Variants in CUBN observed in about 807,000 individuals in gnomAD.
CUBN encodes the protein cubilin.
Under a neutral mutation model 405.3 loss-of-function variants are expected in CUBN, and 282 were observed. That is an observed-to-expected ratio of 0.70 (90% confidence interval 0.63 to 0.77). The LOEUF (loss-of-function observed/expected upper bound fraction) is 0.77. Ranked by LOEUF, CUBN falls within the 30% of genes least tolerant of loss-of-function variation. CUBN has a pLI of 0.00. For synonymous variants in CUBN, 1,684 were observed against 1,617.0 expected, an observed-to-expected ratio of 1.04 and a Z score of -0.99; for missense variants, 4,514 against 4,475.2, an observed-to-expected ratio of 1.01 and a Z score of -0.25.
At chr10:17,112,398 C>T (rs1015271985) in intron 8 of CUBN, among the ~76,000 whole-genome samples, 1 of 151,576 alleles carries the variant, frequency 6.6e-6, no homozygotes, top group Non-Finnish European at 1.5e-5. Context: ...GCATATATTG[C>T]TTTGCTGCTT....
At chr10:16,929,073 AT>A (rs1346614511) in intron 40 of CUBN, among the ~76,000 whole-genome samples, 1 of 151,898 alleles carries the variant, frequency 6.6e-6, no homozygotes, top group African/African-American at 2.4e-5. Context: ...ACCAAAAGGT[AT>A]GCAATTGTAT....
At position 16,906,461 on chromosome 10, in the gene CUBN, C is replaced by T. The variant is rs146220886; in HGVS notation, c.7706-52G>A. 2,135 of 1,257,044 alleles carry T rather than the reference C, an allele frequency of 1.7e-3. 42 individuals carry two copies. The Admixed American group carries it at 0.032, about 19-fold the overall frequency. 77.9% of individuals were successfully genotyped at this position (1,257,044 alleles called of 1,614,324 possible). On this transcript the variant is annotated intron_variant, in intron 49 of 66. Coordinates refer to ENST00000377833, the MANE Select transcript of CUBN (RefSeq NM_001081.4). ...AGTAGTAGTAAGATTCAGGCCACAA[C>T]GGAAGAGATAAACAATACAGGAACA...
chr10:16,848,653 C>T (rs1003675830), intron 60 of CUBN, among the ~76,000 whole-genome samples: 2 of 122,344 alleles, frequency 1.6e-5, no homozygotes, highest in South Asian at 5.3e-4. Context: ...TTGAATTCAG[C>T]TTTAGGACTG....
intron 31 of CUBN, among the ~76,000 whole-genome samples, chr10:16,971,290 T>C (rs1832925438): frequency 6.6e-6 from 1 of 152,212 alleles, no homozygotes; most frequent in Non-Finnish European, 1.5e-5. Context: ...TTGGGGTACG[T>C]TTCCCGTCCA....
At chr10:17,106,484 G>T (rs955723859) in intron 10 of CUBN, among the ~76,000 whole-genome samples, 17 of 150,970 alleles carry the variant, frequency 1.1e-4, no homozygotes, top group African/African-American at 3.9e-4. Context: ...TGTAGTCCAG[G>T]CTAATCAGGA....
At chr10:16,999,660 G>A (rs1299934879) in intron 28 of CUBN, among the ~76,000 whole-genome samples, 2 of 152,200 alleles carry the variant, frequency 1.3e-5, no homozygotes, top group African/African-American at 4.8e-5. Flanking sequence ...GCTACTGAAA[G>A]CTTCTTTATG....
chr10:17,031,667 T>C (rs1834791918), intron 27 of CUBN, among the ~76,000 whole-genome samples: 1 of 152,224 alleles, frequency 6.6e-6, no homozygotes, highest in Non-Finnish European at 1.5e-5. Flanking sequence ...AGTCACCAGA[T>C]AGAAGAGTGC....
At chr10:16,883,709 T>A (rs541726004) in intron 56 of CUBN, among the ~76,000 whole-genome samples, 2 of 152,196 alleles carry the variant, frequency 1.3e-5, no homozygotes, top group Non-Finnish European at 2.9e-5. Flanking sequence ...TAGGCAAATA[T>A]TAGGTGTGAA....
chr10:17,114,612 C>T (rs867297015), intron 7 of CUBN, among the ~76,000 whole-genome samples: 7 of 152,106 alleles, frequency 4.6e-5, no homozygotes, highest in African/African-American at 1.2e-4. Flanking sequence ...CATCATTGGA[C>T]GGGAATTATT....
rs780082953 is a variant in CUBN at position 17,088,251 on chromosome 10, A to G, written c.1860T>C (p.Val620=). Residue 620 remains valine, a synonymous_variant, in exon 15 of 67, where the codon GTT becomes GTC. Transcript: ENST00000377833. The part of the protein sequence containing the change: ...YPPGRDCVWI[V]VTSPDLLVTF... The stretch of plus-strand genomic sequence containing the variant: ...TTACCAGGAGGTCAGGACTAGTTAC[A>G]ACAATCCAGACACAATCTCTTCCTG... 2 of 1,613,888 alleles carry G rather than the reference A, an allele frequency of 1.2e-6. No homozygotes were observed. The highest frequency in any genetic ancestry group is 2.2e-5 in the South Asian group (2 of 91,060).
chr10:17,017,540 G>A lies in CUBN; in HGVS notation c.4168+2293C>T, dbSNP rs543713123. On this transcript the variant is annotated intron_variant, in intron 28 of 66. Coordinates refer to ENST00000377833, the MANE Select transcript of CUBN (RefSeq NM_001081.4). The stretch of plus-strand genomic sequence containing the variant: ...AGGGAAGGGATCTCCAGAGTTGGAA[G>A]AGTGATGCCTTTTGTCCTCACTTAT... Among the ~76,000 whole-genome samples, 10 of 152,314 alleles carry A rather than the reference G, an allele frequency of 6.6e-5. No homozygotes were observed. The South Asian group carries it at 2.1e-3, about 32-fold the overall frequency.
intron 58 of CUBN, among the ~76,000 whole-genome samples, chr10:16,873,750 G>T (rs1234054690): frequency 6.7e-6 from 1 of 149,726 alleles, no homozygotes; most frequent in Non-Finnish European, 1.5e-5. Flanking sequence ...AAAGAAAAAA[G>T]AAAATGTATA....
chr10:16,901,540 A>G, intron 51 of CUBN, 81 bp from the exon 52 acceptor site: 1 of 1,559,396 alleles, frequency 6.4e-7, no homozygotes, highest in South Asian at 1.1e-5. Flanking sequence ...AGTAATCATA[A>G]CCATCAGATT....
chr10:16,913,320 A>G (rs1841786269), intron 48 of CUBN, among the ~76,000 whole-genome samples: 1 of 152,208 alleles, frequency 6.6e-6, no homozygotes, highest in African/African-American at 2.4e-5. Context: ...CTTTCACTGC[A>G]GGAAGCTGAG....
At chr10:16,901,293 G>T (rs747909909) in intron 52 of CUBN, 45 bp downstream of exon 52, 1 of 1,613,440 alleles carries the variant, frequency 6.2e-7, no homozygotes, top group Non-Finnish European at 8.5e-7. Context: ...AGGCTATTGT[G>T]GTTCTATTGT....
At chr10:16,991,631 G>C (rs2942356) in intron 28 of CUBN, among the ~76,000 whole-genome samples, 1 of 32,058 alleles carries the variant, frequency 3.1e-5, no homozygotes, top group African/African-American at 8.6e-5. Flanking sequence ...CTCTTTTTCT[G>C]TTTTTTTTTT....
At chr10:16,865,821 T>C (rs544634493) in intron 59 of CUBN, among the ~76,000 whole-genome samples, 2 of 152,066 alleles carry the variant, frequency 1.3e-5, no homozygotes, top group Non-Finnish European at 2.9e-5. Context: ...GAAGTTTTGT[T>C]TTTTTGCTCT....
chr10:16,922,084 C>T (rs1166322314), intron 43 of CUBN, among the ~76,000 whole-genome samples: 1 of 152,072 alleles, frequency 6.6e-6, no homozygotes, highest in Non-Finnish European at 1.5e-5. Flanking sequence ...ATATATTTTA[C>T]TTATTTATTG....
chr10:17,026,145 A>G (rs989926365), intron 27 of CUBN, among the ~76,000 whole-genome samples: 1 of 152,216 alleles, frequency 6.6e-6, no homozygotes, highest in Non-Finnish European at 1.5e-5. Context: ...GCATCTGCTC[A>G]GATGTTCCCC....
Sources: gnomAD v4.1 joint callset for allele counts (sites outside exome capture counted in the v4.1 genomes callset) on GRCh38, gnomAD v4.1.1 for gene constraint, MANE v1.5 for transcripts, NCBI Gene and HGNC (gene_info 2026-07-23, HGNC 2026-07-21) for gene names.